Variants in RBMS3 observed in about 807,000 individuals in gnomAD.
The protein encoded by RBMS3 is RNA binding motif single stranded interacting protein 3.
RBMS3 carries 27 observed loss-of-function variants against 66.8 expected under a neutral mutation model. The observed-to-expected ratio is 0.40, with a 90% CI of 0.30 to 0.56. RBMS3 has a LOEUF of 0.56. Among genes scored for constraint, RBMS3 ranks in the 20% least tolerant of loss-of-function variants. The pLI is 0.40. For missense variants in RBMS3, 513 were observed against 549.5 expected, an observed-to-expected ratio of 0.93 and a Z score of 0.66; for synonymous variants, 188 against 183.0, an observed-to-expected ratio of 1.03 and a Z score of -0.22.
rs538515082 is a variant in RBMS3 at position 29,420,833 on chromosome 3, G to A, written c.76-13910G>A. On this transcript the variant is annotated intron_variant, in intron 1 of 14. Coordinates refer to ENST00000383767, the MANE Select transcript of RBMS3 (RefSeq NM_001003793.3). ...GAAAAGGCTATTATCGGCCAGGCACGGTGGCTCACGCCTGTAATCCCAGCA... is the reference window on the plus strand; with the variant it reads ...GAAAAGGCTATTATCGGCCAGGCACAGTGGCTCACGCCTGTAATCCCAGCA... Among the ~76,000 whole-genome samples, 292 of 151,984 alleles carry A rather than the reference G, an allele frequency of 1.9e-3. 1 individual carries two copies. The highest frequency in any genetic ancestry group is 6.1e-3 in the African/African-American group (254 of 41,430).
At chr3:29,350,877 A>G (rs892553731) in intron 1 of RBMS3, among the ~76,000 whole-genome samples, 1 of 151,726 alleles carries the variant, frequency 6.6e-6, no homozygotes, top group African/African-American at 2.4e-5. Context: ...TATAATGTGC[A>G]TGGTAAAAAA....
At chr3:29,431,917 G>A (rs1457479073) in intron 1 of RBMS3, among the ~76,000 whole-genome samples, 1 of 151,882 alleles carries the variant, frequency 6.6e-6, no homozygotes, top group Non-Finnish European at 1.5e-5. Context: ...TTATAGAGAT[G>A]GGGTTTTGCC....
chr3:29,904,923 C>T (rs2060339704), intron 10 of RBMS3, among the ~76,000 whole-genome samples: 1 of 151,898 alleles, frequency 6.6e-6, no homozygotes. Context: ...GATCTTATTA[C>T]AGTTAGTAAG....
At chr3:29,823,995 T>G (rs1001397615) in intron 6 of RBMS3, among the ~76,000 whole-genome samples, 6 of 152,230 alleles carry the variant, frequency 3.9e-5, no homozygotes, top group African/African-American at 1.2e-4. Flanking sequence ...CATTTTCTAT[T>G]TAAAAAGGAA....
At chr3:29,825,122 A>G (rs1043189751) in intron 6 of RBMS3, among the ~76,000 whole-genome samples, 2 of 149,822 alleles carry the variant, frequency 1.3e-5, no homozygotes, top group African/African-American at 4.9e-5. Context: ...TGTAACCTCT[A>G]CCTCGCAGCT....
At chr3:29,725,947 C>A (rs563873000) in intron 4 of RBMS3, among the ~76,000 whole-genome samples, 1 of 152,128 alleles carries the variant, frequency 6.6e-6, no homozygotes, top group African/African-American at 2.4e-5. Flanking sequence ...AACATGGATG[C>A]GAAAATCCTC....
chr3:29,683,803 A>C (rs1213655038), intron 4 of RBMS3, among the ~76,000 whole-genome samples: 4 of 152,176 alleles, frequency 2.6e-5, no homozygotes, highest in Admixed American at 1.3e-4. Context: ...GAGCCAAATT[A>C]ACTTTTCATG....
intron 10 of RBMS3, among the ~76,000 whole-genome samples, chr3:29,912,933 T>C (rs2060551216): frequency 6.6e-6 from 1 of 151,962 alleles, no homozygotes; most frequent in South Asian, 2.1e-4. Context: ...TTTTCCTTAA[T>C]AAATGTCTTC....
intron 3 of RBMS3, among the ~76,000 whole-genome samples, chr3:29,500,710 T>C (rs549896138): frequency 9.9e-5 from 15 of 152,204 alleles, no homozygotes; most frequent in African/African-American, 3.1e-4. Flanking sequence ...CTATACCATC[T>C]ACATTTGTGT....
intron 5 of RBMS3, among the ~76,000 whole-genome samples, chr3:29,744,042 A>G (rs1018088676): frequency 6.6e-6 from 1 of 151,950 alleles, no homozygotes; most frequent in Non-Finnish European, 1.5e-5. Context: ...ACAAGTTTCC[A>G]GGTGATACTG....
intron 1 of RBMS3, among the ~76,000 whole-genome samples, chr3:29,293,210 AT>A (rs1408429571): frequency 6.6e-6 from 1 of 151,820 alleles, no homozygotes; most frequent in Non-Finnish European, 1.5e-5. Context: ...GATTTTCTGT[AT>A]CTAACATATT....
Position 30,008,320 on chromosome 3 carries a change from C to T in RBMS3, c.*4458C>T, listed in dbSNP as rs886817134. 3 of 141,246 alleles carry T rather than the reference C, an allele frequency of 2.1e-5. No individual in the cohort carries two copies. The highest frequency in any genetic ancestry group is 8.2e-5 in the African/African-American group (3 of 36,562). 8.7% of individuals were successfully genotyped at this position (141,246 alleles called of 1,614,324 possible). A position where few individuals can be genotyped will look rare whatever the true frequency, so the allele number is the denominator to read the frequency against. On this transcript the variant is annotated 3_prime_UTR_variant, in exon 15 of 15. Coordinates refer to ENST00000383767, the MANE Select transcript of RBMS3 (RefSeq NM_001003793.3). Reference sequence around the variant, plus strand: ...CTTAATTTGAGTGCATGAACCACTGCAGATGAGCTGATAAGCAGAAATTCT... The same window carrying T: ...CTTAATTTGAGTGCATGAACCACTGTAGATGAGCTGATAAGCAGAAATTCT...
intron 2 of RBMS3, among the ~76,000 whole-genome samples, chr3:29,470,764 A>G (rs2042697046): frequency 6.6e-6 from 1 of 152,118 alleles, no homozygotes; most frequent in Admixed American, 6.6e-5. Context: ...AGTAAAAATG[A>G]ATTAAATGAA....
At chr3:29,736,600 C>T (rs985209762) in intron 4 of RBMS3, among the ~76,000 whole-genome samples, 5 of 152,154 alleles carry the variant, frequency 3.3e-5, no homozygotes, top group African/African-American at 1.2e-4. Flanking sequence ...ATTCATAGGA[C>T]TGTCATGTGC....
intron 3 of RBMS3, among the ~76,000 whole-genome samples, chr3:29,546,903 T>A (rs1342792276): frequency 6.6e-6 from 1 of 152,208 alleles, no homozygotes; most frequent in Non-Finnish European, 1.5e-5. Flanking sequence ...TTACAAAATG[T>A]CTTCCGGTAA....
At chr3:29,295,304 T>TATATA (rs1491256197) in intron 1 of RBMS3, among the ~76,000 whole-genome samples, 1 of 4,022 alleles carries the variant, frequency 2.5e-4, no homozygotes, top group African/African-American at 8.1e-4. Flanking sequence ...TACATATATA[T>TATATA]CTATATATAT....
chr3:29,524,870 T>C (rs2045030462), intron 3 of RBMS3, among the ~76,000 whole-genome samples: 1 of 152,104 alleles, frequency 6.6e-6, no homozygotes, highest in Non-Finnish European at 1.5e-5. Context: ...CAGGAGAACA[T>C]AGTGAGACAT....
intron 7 of RBMS3, among the ~76,000 whole-genome samples, chr3:29,873,508 T>G (rs2059540508): frequency 6.6e-6 from 1 of 152,158 alleles, no homozygotes; most frequent in Non-Finnish European, 1.5e-5. Flanking sequence ...TGGGATTTTT[T>G]TAGATGTAGA....
intron 6 of RBMS3, among the ~76,000 whole-genome samples, chr3:29,788,382 C>T (rs1271418016): frequency 6.6e-6 from 1 of 152,018 alleles, no homozygotes; most frequent in Non-Finnish European, 1.5e-5. Context: ...TGTGCCACCA[C>T]GTCCGGCTAA....
Sources: allele counts gnomAD v4.1 joint callset (sites outside exome capture counted in the v4.1 genomes callset), GRCh38; gene constraint gnomAD v4.1.1; transcripts MANE v1.5; gene names NCBI Gene and HGNC (gene_info 2026-07-23, HGNC 2026-07-21).